Variants in GABRP observed in about 807,000 individuals in gnomAD.
GABRP encodes the protein gamma-aminobutyric acid receptor subunit pi.
In GABRP, 52 loss-of-function variants were observed where a neutral mutation model predicts 47.8. That is an observed-to-expected ratio of 1.09 (90% CI 0.87 to 1.37). GABRP has a LOEUF of 1.37. GABRP is among the 40% of genes most tolerant of loss of function. The probability of loss-of-function intolerance (pLI) is 0.00; values close to 1 mark genes in which losing one functional copy is unlikely to be tolerated. For synonymous variants in GABRP, 221 were observed against 205.8 expected (o/e 1.07, Z -0.63); for missense variants, 525 against 542.8 (o/e 0.97, Z 0.33).
rs770859527 is a variant in GABRP at position 170,809,575 on chromosome 5, G to A, written c.840G>A (p.Thr280=). 1.4e-5 allele frequency: 23 copies of A among 1,613,572 alleles called. No homozygotes were observed. Among genetic ancestry groups the A allele is most frequent in the Non-Finnish European group, 1.7e-5 (20 of 1,179,998 alleles). ...CCCTGCCTGTTTTCCCAGGAGTGACGACCGTGTTATCAATGACCACACTGA... is the reference window on the plus strand; with the variant it reads ...CCCTGCCTGTTTTCCCAGGAGTGACAACCGTGTTATCAATGACCACACTGA... ...SVPARTCIGV[T]TVLSMTTLMI... is the part of the protein sequence containing the mutation. Residue 280 remains threonine, a synonymous_variant, in exon 9 of 10, where the codon ACG becomes ACA. Transcript: ENST00000265294.
chr5:170,795,822 A>G (rs1302799516), intron 5 of GABRP, among the ~76,000 whole-genome samples: 1 of 152,210 alleles, frequency 6.6e-6, no homozygotes, highest in Non-Finnish European at 1.5e-5. Context: ...AATAAGGGCA[A>G]TGGCAGAGAC....
chr5:170,808,227 A>G (rs1009205396), intron 7 of GABRP, among the ~76,000 whole-genome samples: 1 of 152,204 alleles, frequency 6.6e-6, no homozygotes, highest in African/African-American at 2.4e-5. Context: ...ACAGATGGTC[A>G]CAGGTAATCT....
In GABRP at chr5:170,812,226, G is replaced by A; in HGVS notation, c.1291G>A (p.Val431Ile). 1 of 1,613,540 alleles carries A rather than the reference G, an allele frequency of 6.2e-7. No individual in the cohort carries two copies. Among genetic ancestry groups the A allele is most frequent in the Non-Finnish European group, 8.5e-7 (1 of 1,179,570 alleles). The change falls in exon 10 of 10, where the codon GTA (valine) becomes ATA (isoleucine). Residue 431 changes from valine (V) to isoleucine (I), a missense_variant. Transcript: ENST00000265294. ...TCCTTTGATTTTTATGCTAGCCAAT[G>A]TATTTTACTGGGCATACTACATGTA... Reference protein sequence around the residue: ...LFPLIFMLANVFYWAYYMYF With the variant: ...LFPLIFMLANIFYWAYYMYF
chr5:170,795,735 G>T (rs1315603093), intron 5 of GABRP, among the ~76,000 whole-genome samples: 1 of 152,190 alleles, frequency 6.6e-6, no homozygotes, highest in Non-Finnish European at 1.5e-5. Flanking sequence ...TGAGTGGTTT[G>T]GGGGTGATGT....
chr5:170,787,889 G>C (rs1765167907), intron 1 of GABRP, among the ~76,000 whole-genome samples: 1 of 152,154 alleles, frequency 6.6e-6, no homozygotes, highest in Non-Finnish European at 1.5e-5. Flanking sequence ...CTTGGTCAAG[G>C]TGAGTGTAGA....
At chr5:170,799,305 A>G (rs571041687) in intron 6 of GABRP, among the ~76,000 whole-genome samples, 1 of 152,324 alleles carries the variant, frequency 6.6e-6, no homozygotes, top group South Asian at 2.1e-4. Flanking sequence ...CAGTAATGGG[A>G]TGGCTGGGTC....
At chr5:170,793,955 AT>A (rs1261803344) in intron 3 of GABRP, among the ~76,000 whole-genome samples, 8 of 152,256 alleles carry the variant, frequency 5.3e-5, no homozygotes, top group African/African-American at 1.9e-4. Context: ...AATAATAATA[AT>A]TAAAAAGCAT....
chr5:170,787,128 A>T (rs1751811504), intron 1 of GABRP, among the ~76,000 whole-genome samples: 2 of 152,230 alleles, frequency 1.3e-5, no homozygotes, highest in Admixed American at 1.3e-4. Flanking sequence ...TGATGAATCC[A>T]TATTGACACA....
intron 1 of GABRP, among the ~76,000 whole-genome samples, chr5:170,786,860 A>T (rs1046714335): frequency 5.3e-5 from 8 of 152,154 alleles, no homozygotes; most frequent in African/African-American, 4.8e-5. Flanking sequence ...TTGCTTTTTA[A>T]TTTTTTTGAT....
intron 1 of GABRP, 81 bp from the exon 2 acceptor site, chr5:170,788,493 C>A: frequency 4.4e-6 from 4 of 912,104 alleles, no homozygotes; most frequent in Non-Finnish European, 7.2e-6. Flanking sequence ...CTGTACCGAC[C>A]ACCCACCAGA....
Position 170,795,424 on chromosome 5 carries a change from A to T in GABRP, c.457A>T (p.Arg153Ter), listed in dbSNP as rs755867171. ...CAATGGCACGGTCCTGTATGCCCTC[A>T]GGTACGCGGACACCTGTGACCTCAG... ...FSNGTVLYAL[R>*]ITTTVACNMD... Residue 153 changes from arginine (R) to a stop codon, truncating the protein, a stop_gained and splice_region_variant, in exon 5 of 10, where the codon AGA (arginine) becomes TGA (stop). Transcript: ENST00000265294. LOFTEE classifies it high-confidence loss of function. The T allele has an allele frequency of 6.2e-7, 1 of 1,613,320 alleles. No individual in the cohort carries two copies. Among genetic ancestry groups the T allele is most frequent in the Non-Finnish European group, 8.5e-7 (1 of 1,179,324 alleles).
chr5:170,789,578 G>C (rs1177301307), intron 3 of GABRP, among the ~76,000 whole-genome samples: 1 of 152,072 alleles, frequency 6.6e-6, no homozygotes, highest in South Asian at 2.1e-4. Flanking sequence ...TACCCCATCT[G>C]GTCTTCCCCC....
At chr5:170,793,348 T>C (rs1232203924) in intron 3 of GABRP, among the ~76,000 whole-genome samples, 10 of 152,222 alleles carry the variant, frequency 6.6e-5, no homozygotes, top group Admixed American at 5.2e-4. Context: ...TTCCCTGACC[T>C]GGCCTGGCTT....
Position 170,795,437 on chromosome 5 carries a change from C to G in GABRP, c.458+12C>G. 1 of 1,608,806 alleles carries G rather than the reference C, an allele frequency of 6.2e-7. No homozygotes were observed. Among genetic ancestry groups the G allele is most frequent in the Non-Finnish European group, 8.5e-7 (1 of 1,175,236 alleles). ...CTGTATGCCCTCAGGTACGCGGACACCTGTGACCTCAGGGGTGGAGGACGG... is the reference window on the plus strand; with the variant it reads ...CTGTATGCCCTCAGGTACGCGGACAGCTGTGACCTCAGGGGTGGAGGACGG... On this transcript the variant is annotated intron_variant, in intron 5 of 9. Coordinates refer to ENST00000265294, the MANE Select transcript of GABRP (RefSeq NM_014211.3).
At position 170,795,203 on chromosome 5, in the gene GABRP, C is replaced by T; in HGVS notation, c.241-5C>T. 2 of 1,610,844 alleles carry T rather than the reference C, an allele frequency of 1.2e-6. No homozygotes were observed. Among genetic ancestry groups the T allele is most frequent in the East Asian group, 2.2e-5 (1 of 44,734 alleles). On this transcript the variant is annotated splice_polypyrimidine_tract_variant and splice_region_variant and intron_variant, in intron 4 of 9. Coordinates refer to ENST00000265294, the MANE Select transcript of GABRP (RefSeq NM_014211.3). The stretch of plus-strand genomic sequence containing the variant: ...CCATTTCCATACCCTGCCTCCCCCT[C>T]CCAGGACTACACAGCCACCATATAC...
At chr5:170,788,767 C>A in intron 2 of GABRP, 99 bp downstream of exon 2, 1 of 1,134,628 alleles carries the variant, frequency 8.8e-7, no homozygotes, top group Non-Finnish European at 1.3e-6. Context: ...CACAGCAAGG[C>A]AAAACCCGGT....
chr5:170,792,751 C>G (rs1015553210), intron 3 of GABRP, among the ~76,000 whole-genome samples: 1 of 152,194 alleles, frequency 6.6e-6, no homozygotes, highest in Non-Finnish European at 1.5e-5. Context: ...AAATTCCTAC[C>G]TATATCCTAT....
rs3805456 is a variant in GABRP at position 170,813,170 on chromosome 5, T to C, written c.*912T>C. On this transcript the variant is annotated 3_prime_UTR_variant, in exon 10 of 10. Transcript: ENST00000265294. ...CTAGCTGCCTTTATTCACATAGTGA[T>C]GGGGTACTAAAAGTACTGGGTTGAC... 0.26 allele frequency: 39,677 copies of C among 152,050 alleles called. 5,533 individuals carry two copies. The highest frequency in any genetic ancestry group is 0.34 in the African/African-American group (14,300 of 41,460). 9.4% of individuals were successfully genotyped at this position (152,050 alleles called of 1,614,324 possible). A position where few individuals can be genotyped will look rare whatever the true frequency, so the allele number is the denominator to read the frequency against.
chr5:170,796,928 G>T (rs1385500377), intron 5 of GABRP, among the ~76,000 whole-genome samples: 3 of 152,184 alleles, frequency 2.0e-5, no homozygotes, highest in African/African-American at 7.2e-5. Flanking sequence ...ATATCTCTGG[G>T]GTTAAGCCCC....
Sources: allele counts gnomAD v4.1 joint callset (sites outside exome capture counted in the v4.1 genomes callset), GRCh38; gene constraint gnomAD v4.1.1; transcripts MANE v1.5; gene names NCBI Gene and HGNC (gene_info 2026-07-23, HGNC 2026-07-21).